Variants in FARS2 observed in about 807,000 individuals in gnomAD.
FARS2 encodes the protein phenylalanine--tRNA ligase, mitochondrial.
Under a neutral mutation model 46.4 loss-of-function variants are expected in FARS2, and 40 were observed. The observed-to-expected ratio is 0.86, with a 90% CI of 0.67 to 1.12. The LOEUF (loss-of-function observed/expected upper bound fraction) is 1.12. Among genes scored for constraint, FARS2 ranks in the 50% most tolerant of loss-of-function variants. The pLI, the probability that FARS2 is intolerant of heterozygous loss-of-function variation, is 0.00. For synonymous variants in FARS2, 234 were observed against 214.9 expected, an observed-to-expected ratio of 1.09 and a Z score of -0.78; for missense variants, 513 against 567.9, an observed-to-expected ratio of 0.90 and a Z score of 0.98.
Position 5,350,730 on chromosome 6 carries a change from G to A in FARS2, c.-21-17820G>A, listed in dbSNP as rs115193531. 3.9e-3 allele frequency among the ~76,000 whole-genome samples: 596 copies of A among 152,276 alleles called. 6 individuals are homozygous for A. The highest frequency in any genetic ancestry group is 0.014 in the African/African-American group (570 of 41,542). ...CCATTGATAATTGTGTCAATGTCCT[G>A]GTTGTGATATTGTACTTTAGTGTTG... On this transcript the variant is annotated intron_variant, in intron 1 of 6. Transcript: ENST00000274680.
rs764877564 is a variant in FARS2, at chr6:5,545,229, G to A, written c.954G>A (p.Arg318=). ...IGWAFGLGLE[R]LAMILYDIPD... ...GGGCTTTTGGCCTAGGATTAGAAAG[G>A]CTAGCCATGATCCTCTACGACATCC... The change falls in exon 5 of 7, where the codon AGG becomes AGA. Residue 318 remains arginine (R), a synonymous_variant. Transcript: ENST00000274680. 1.1e-5 allele frequency: 17 copies of A among 1,614,016 alleles called. No homozygotes were observed. In the Admixed American group the frequency reaches 1.7e-4, roughly 16 times the overall value.
intron 1 of FARS2, among the ~76,000 whole-genome samples, chr6:5,273,030 C>T (rs1283622944): frequency 6.6e-6 from 1 of 152,140 alleles, no homozygotes; most frequent in Non-Finnish European, 1.5e-5. Flanking sequence ...TCTTTTTATG[C>T]CACATTTTCT....
chr6:5,415,310 CTTTTTT>C (rs773981175), intron 3 of FARS2, among the ~76,000 whole-genome samples: 11 of 53,640 alleles, frequency 2.1e-4, no homozygotes, highest in African/African-American at 4.2e-4. Context: ...CTTTTCTTTT[CTTTTTT>C]TTTTTTTTTT....
chr6:5,436,038 A>G (rs985180562), intron 4 of FARS2, among the ~76,000 whole-genome samples: 1 of 122,520 alleles, frequency 8.2e-6, no homozygotes, highest in Non-Finnish European at 1.9e-5. Flanking sequence ...GCTTTTGAAA[A>G]TATCACAGCA....
At chr6:5,394,362 A>G (rs1323129899) in intron 2 of FARS2, among the ~76,000 whole-genome samples, 2 of 152,176 alleles carry the variant, frequency 1.3e-5, no homozygotes, top group Non-Finnish European at 2.9e-5. Flanking sequence ...CAGTATGGTA[A>G]CATGCTGTTA....
chr6:5,731,770 G>A (rs1285322636), intron 6 of FARS2, among the ~76,000 whole-genome samples: 1 of 152,148 alleles, frequency 6.6e-6, no homozygotes, highest in East Asian at 1.9e-4. Context: ...TCATTAAACT[G>A]AAGATCAGAA....
At chr6:5,371,301 C>A (rs1260347167) in intron 2 of FARS2, 3 of 299,740 alleles carry the variant, frequency 1.0e-5, no homozygotes, top group East Asian at 3.4e-4. Flanking sequence ...GTTTATTCCC[C>A]TATGAATAGG....
chr6:5,404,278 T>A (rs1761426155), intron 2 of FARS2, among the ~76,000 whole-genome samples: 1 of 152,190 alleles, frequency 6.6e-6, no homozygotes, highest in African/African-American at 2.4e-5. Context: ...TGACTATAAG[T>A]TCATGCAAAT....
Position 5,369,085 on chromosome 6 carries a change from TGGTGGTG to T in FARS2, c.520_526del (p.Val174MetfsTer34), listed in dbSNP as rs1561990507. 6.2e-7 allele frequency: 1 copy of T among 1,613,940 alleles called. No homozygotes were observed. The highest frequency in any genetic ancestry group is 8.5e-7 in the Non-Finnish European group (1 of 1,180,008). On this transcript the variant is annotated frameshift_variant, in exon 2 of 7. Coordinates refer to ENST00000274680, the MANE Select transcript of FARS2 (RefSeq NM_006567.5). LOFTEE classifies it high-confidence loss of function. ...CTGCACGCGGGACTGGATGCCTTCC[TGGTGGTG>T]GGTGATGTCTACAGGCGTGACCAGA...
At chr6:5,293,120 C>T (rs1767619823) in intron 1 of FARS2, among the ~76,000 whole-genome samples, 1 of 152,162 alleles carries the variant, frequency 6.6e-6, no homozygotes, top group Non-Finnish European at 1.5e-5. Context: ...AGAGCAGAAT[C>T]CAGAATTCAC....
intron 4 of FARS2, among the ~76,000 whole-genome samples, chr6:5,506,126 A>C (rs927769971): frequency 2.6e-5 from 4 of 152,164 alleles, no homozygotes; most frequent in African/African-American, 9.7e-5. Flanking sequence ...TCTGCATAAC[A>C]AGCATAGTCT....
chr6:5,529,348 G>A (rs1477283798), intron 4 of FARS2, among the ~76,000 whole-genome samples: 3 of 151,828 alleles, frequency 2.0e-5, no homozygotes, highest in African/African-American at 4.8e-5. Flanking sequence ...TCACTCTGTC[G>A]CCTGGCTGCA....
chr6:5,400,057 G>A (rs926883779), intron 2 of FARS2, among the ~76,000 whole-genome samples: 2 of 152,034 alleles, frequency 1.3e-5, no homozygotes, highest in Non-Finnish European at 2.9e-5. Flanking sequence ...TCTCCAAAAG[G>A]GTTCTACCAG....
chr6:5,506,717 T>C (rs146956594), intron 4 of FARS2, among the ~76,000 whole-genome samples: 1 of 152,282 alleles, frequency 6.6e-6, no homozygotes, highest in African/African-American at 2.4e-5. Context: ...ATTTAGCTAA[T>C]AGACATGGCA....
rs1333620694 is a variant in FARS2, at chr6:5,672,435, GA to G, written c.1217+59119del. Among the ~76,000 whole-genome samples the G allele has an allele frequency of 2.6e-5, 4 of 152,168 alleles. No homozygotes were observed. In the East Asian group the frequency reaches 7.7e-4, roughly 29 times the overall value. On this transcript the variant is annotated intron_variant, in intron 6 of 6. Transcript: ENST00000274680. ...GCTTCCGTTGGGTCCAGACTCTTCT[GA>G]AAACTCCCCTTTTCAATTTTACTCA...
intron 4 of FARS2, among the ~76,000 whole-genome samples, chr6:5,473,387 A>G (rs1166124710): frequency 6.6e-6 from 1 of 151,932 alleles, no homozygotes; most frequent in Non-Finnish European, 1.5e-5. Context: ...ATTAGCCGGG[A>G]ATGGTGGCGT....
chr6:5,467,085 A>G, intron 4 of FARS2: 1 of 985,244 alleles, frequency 1.0e-6, no homozygotes, highest in Non-Finnish European at 1.2e-6. Context: ...TTGAATAGTC[A>G]CTTCCCGATT....
Position 5,574,632 on chromosome 6 carries a change from T to G in FARS2, c.1065+29292T>G, listed in dbSNP as rs527804293. Among the ~76,000 whole-genome samples the G allele has an allele frequency of 1.3e-4, 20 of 152,332 alleles. No individual in the cohort carries two copies. In the South Asian group the frequency reaches 4.1e-3, roughly 32 times the overall value. On this transcript the variant is annotated intron_variant, in intron 5 of 6. Coordinates refer to ENST00000274680, the MANE Select transcript of FARS2 (RefSeq NM_006567.5). ...CTCATTATTTGCAGTAAATATGTTC[T>G]ATAAACTTGCCCCCAACACTGAATA...
chr6:5,365,778 A>T (rs1400078589), intron 1 of FARS2, among the ~76,000 whole-genome samples: 1 of 152,158 alleles, frequency 6.6e-6, no homozygotes, highest in East Asian at 1.9e-4. Flanking sequence ...GATAACATAA[A>T]CAATTGATTA....
Sources: gnomAD v4.1 joint callset for allele counts (sites outside exome capture counted in the v4.1 genomes callset) on GRCh38, gnomAD v4.1.1 for gene constraint, MANE v1.5 for transcripts, NCBI Gene and HGNC (gene_info 2026-07-23, HGNC 2026-07-21) for gene names.